TOPORS: variants seen among roughly 807,000 people sequenced by gnomAD.
The protein encoded by TOPORS is TOP1 binding arginine/serine rich protein, E3 ubiquitin ligase, also known as E3 ubiquitin-protein ligase Topors.
Under a neutral mutation model 81.4 loss-of-function variants are expected in TOPORS, and 25 were observed. That is an observed-to-expected ratio of 0.31 (90% CI 0.22 to 0.43). The LOEUF (loss-of-function observed/expected upper bound fraction) is 0.43, where lower values mean the gene tolerates loss of function less well. Ranked by LOEUF, TOPORS falls within the 20% of genes least tolerant of loss-of-function variation. The pLI, the probability that TOPORS is intolerant of heterozygous loss-of-function variation, is 1.00. For missense variants in TOPORS, 1,101 were observed against 1,267.0 expected (o/e 0.87, Z 1.99); for synonymous variants, 473 against 456.6 (o/e 1.04, Z -0.46).
chr9:32,552,556 A>G lies in TOPORS; in HGVS notation c.-120T>C, dbSNP rs754920284. ...GGCGGAAAGGCCCTATTTCTTCAGC[A>G]CCCAGAAACTCCAAAATCCATTCCT... On this transcript the variant is annotated 5_prime_UTR_variant, in exon 1 of 3. Transcript: ENST00000360538. 4.7e-5 allele frequency: 62 copies of G among 1,321,480 alleles called. No homozygotes were observed. In the African/African-American group the frequency reaches 7.3e-4, roughly 16 times the overall value. 81.9% of individuals were successfully genotyped at this position (1,321,480 alleles called of 1,614,324 possible).
intron 2 of TOPORS, among the ~76,000 whole-genome samples, chr9:32,549,234 C>A (rs1411945298): frequency 1.3e-5 from 2 of 152,020 alleles, no homozygotes; most frequent in Non-Finnish European, 2.9e-5. Context: ...GTGAACCTGG[C>A]AGGCGGAGCT....
intron 2 of TOPORS, among the ~76,000 whole-genome samples, chr9:32,545,623 T>C (rs1447911396): frequency 6.6e-6 from 1 of 151,940 alleles, no homozygotes; most frequent in Non-Finnish European, 1.5e-5. Context: ...TAGCCGGGCA[T>C]GGTGGCAGGC....
Position 32,541,037 on chromosome 9 carries a change from T to C in TOPORS, c.*350A>G, listed in dbSNP as rs979887725. The stretch of plus-strand genomic sequence containing the variant: ...CAGAATAACTCTCAAAAAAAAAAAA[T>C]TCAAAAATACTCATTGACTACCTTA... On this transcript the variant is annotated 3_prime_UTR_variant, in exon 3 of 3. Transcript: ENST00000360538. 29 of 172,408 alleles carry C rather than the reference T, an allele frequency of 1.7e-4. No individual in the cohort carries two copies. The East Asian group carries it at 4.5e-3, about 26-fold the overall frequency. 10.7% of individuals were successfully genotyped at this position (172,408 alleles called of 1,614,324 possible).
intron 1 of TOPORS, 151 bp from the exon 2 acceptor site, chr9:32,551,119 G>T: frequency 1.0e-6 from 1 of 983,548 alleles, no homozygotes; most frequent in Non-Finnish European, 1.5e-6. Context: ...GGGGCTCAGC[G>T]CACCGGCCCA....
At position 32,542,461 on chromosome 9, in the gene TOPORS, ATC is replaced by A. The variant is rs1206834635; in HGVS notation, c.2062_2063del (p.Asp688SerfsTer7). 6.2e-7 allele frequency: 1 copy of A among 1,613,368 alleles called. No individual in the cohort carries two copies. Among genetic ancestry groups the A allele is most frequent in the Non-Finnish European group, 8.5e-7 (1 of 1,179,992 alleles). On this transcript the variant is annotated frameshift_variant, in exon 3 of 3. Transcript: ENST00000360538. LOFTEE classifies it high-confidence loss of function. ...CATAATTATTTCTTAAATAATAACG[ATC>A]TCTATTTCTGCTCCGTGATCTTCTT... ...GKRRSRSRNRDRYYLRNNYGS... is the reference protein window; with the variant it reads ...GKRRSRSRNRXRYYLRNNYGS...
chr9:32,548,450 C>T (rs1206914567), intron 2 of TOPORS, among the ~76,000 whole-genome samples: 1 of 151,798 alleles, frequency 6.6e-6, no homozygotes, highest in Non-Finnish European at 1.5e-5. Context: ...CTTGAACCCC[C>T]GGGAGGCGGA....
Position 32,541,195 on chromosome 9 carries a change from T to C in TOPORS, c.*192A>G, listed in dbSNP as rs1165355774. On this transcript the variant is annotated 3_prime_UTR_variant, in exon 3 of 3. Coordinates refer to ENST00000360538, the MANE Select transcript of TOPORS (RefSeq NM_005802.5). Reference sequence around the variant, plus strand: ...TTTCTTCACTTAAAAGTGCATATCTTTGAGGGTGGGACATACATTTTGAAC... The same window carrying C: ...TTTCTTCACTTAAAAGTGCATATCTCTGAGGGTGGGACATACATTTTGAAC... 1.8e-6 allele frequency: 1 copy of C among 562,092 alleles called. No individual in the cohort carries two copies. The highest frequency in any genetic ancestry group is 3.1e-6 in the Non-Finnish European group (1 of 322,678). The allele number at this position is 562,092 out of a possible 1,614,324, so 34.8% of individuals were successfully genotyped here.
rs1821077074 is a variant in TOPORS, at chr9:32,542,271, T to C, written c.2254A>G (p.Lys752Glu). 6.2e-7 allele frequency: 1 copy of C among 1,614,192 alleles called. No individual in the cohort carries two copies. The highest frequency in any genetic ancestry group is 8.5e-7 in the Non-Finnish European group (1 of 1,180,036). ...TTCCTCTCACTGTGATTATTTTTTT[T>C]CCTAGCATTTGTTCTTTCAGAAAAG... ...QSFSERTNAR[K>E]KNNHSERKYY... The change falls in exon 3 of 3, where the codon AAA becomes GAA. Residue 752 changes from lysine (K) to glutamate (E), a missense_variant. Coordinates refer to ENST00000360538, the MANE Select transcript of TOPORS (RefSeq NM_005802.5).
At chr9:32,547,094 C>T (rs1040274341) in intron 2 of TOPORS, among the ~76,000 whole-genome samples, 35 of 152,282 alleles carry the variant, frequency 2.3e-4, no homozygotes, top group African/African-American at 8.4e-4. Flanking sequence ...AGAGGCGGGG[C>T]ACGGTGGCTC....
At position 32,541,878 on chromosome 9, in the gene TOPORS, T is replaced by C. The variant is rs186541153; in HGVS notation, c.2647A>G (p.Lys883Glu). 6.2e-7 allele frequency: 1 copy of C among 1,614,162 alleles called. No individual in the cohort carries two copies. The highest frequency in any genetic ancestry group is 8.5e-7 in the Non-Finnish European group (1 of 1,180,040). The change falls in exon 3 of 3, where the codon AAA becomes GAA. Residue 883 changes from lysine to glutamate, a missense_variant. Coordinates refer to ENST00000360538, the MANE Select transcript of TOPORS (RefSeq NM_005802.5). ...GKATDTTKHH[K>E]KKKKKHKKKH... ...TTCTTATGTTTCTTCTTTTTCTTTT[T>C]ATGGTGTTTAGTTGTATCAGTAGCT... is the stretch of plus-strand genomic sequence containing the variant.
At position 32,542,962 on chromosome 9, in the gene TOPORS, A is replaced by T. The variant is rs772155713; in HGVS notation, c.1563T>A (p.Ser521=). Residue 521 remains serine (S), a synonymous_variant, in exon 3 of 3, where the codon TCT becomes TCA. Transcript: ENST00000360538. The part of the protein sequence containing the change: ...ETVKTQEQEQ[S]YSSGDSDVSR... ...TAACATCGCTATCACCAGAACTGTAAGATTGCTCCTGTTCTTGTGTCTTCA... is the reference window on the plus strand; with the variant it reads ...TAACATCGCTATCACCAGAACTGTATGATTGCTCCTGTTCTTGTGTCTTCA... 4 of 1,614,072 alleles carry T rather than the reference A, an allele frequency of 2.5e-6. No individual in the cohort carries two copies. The African/African-American group carries it at 4.0e-5, about 16-fold the overall frequency.
intron 2 of TOPORS, among the ~76,000 whole-genome samples, chr9:32,548,948 T>C (rs1821179082): frequency 6.6e-6 from 1 of 152,140 alleles, no homozygotes; most frequent in African/African-American, 2.4e-5. Context: ...GACTGGATAT[T>C]TGAAAAACTG....
At chr9:32,546,771 T>A (rs887827395) in intron 2 of TOPORS, among the ~76,000 whole-genome samples, 3 of 152,206 alleles carry the variant, frequency 2.0e-5, no homozygotes, top group African/African-American at 7.2e-5. Flanking sequence ...TTAACCACTT[T>A]GACAGTAAAA....
chr9:32,541,507 A>G lies in TOPORS; in HGVS notation c.3018T>C (p.Ser1006=). Residue 1006 remains serine (S), a synonymous_variant, in exon 3 of 3, where the codon TCT becomes TCC. Transcript: ENST00000360538. ...LDVREESTFV[S]DLENQPSNIV... ...TGTTACTGGGCTGGTTCTCCAAATC[A>G]GAAACAAAGGTGCTCTCTTCTCTTA... The G allele has an allele frequency of 6.2e-7, 1 of 1,614,246 alleles. No homozygotes were observed. Among genetic ancestry groups the G allele is most frequent in the Non-Finnish European group, 8.5e-7 (1 of 1,180,034 alleles).
At chr9:32,551,156 G>T in intron 1 of TOPORS, 188 bp from the exon 2 acceptor site, 1 of 694,732 alleles carries the variant, frequency 1.4e-6, no homozygotes, top group South Asian at 1.7e-5. Flanking sequence ...CGCCGCTCCA[G>T]ACCCCGGAGG....
chr9:32,543,389 G>T lies in TOPORS; in HGVS notation c.1136C>A (p.Pro379His). 1 of 1,613,930 alleles carries T rather than the reference G, an allele frequency of 6.2e-7. No homozygotes were observed. The highest frequency in any genetic ancestry group is 1.1e-5 in the South Asian group (1 of 91,082). ...AGAATGGCTGCCTTCTTCGTATGAAGGAGCAGGGCAATCATAATTGGCATG... is the reference window on the plus strand; with the variant it reads ...AGAATGGCTGCCTTCTTCGTATGAATGAGCAGGGCAATCATAATTGGCATG... ...DQHANYDCPA[P>H]SYEEGSHSDS... Residue 379 changes from proline (P) to histidine (H), a missense_variant, in exon 3 of 3, where the codon CCT (proline) becomes CAT (histidine). By Grantham distance (77) the Pro-to-His change is moderately conservative. Around this residue, in one of 9 missense-constraint regions of TOPORS, gnomAD observed 103 missense variants for 112.1 expected, o/e 0.92. Transcript: ENST00000360538. This position sits in a 1 kb window ranked among gnomAD's most constrained non-coding sequence, Gnocchi z 5.6.
intron 2 of TOPORS, among the ~76,000 whole-genome samples, chr9:32,550,360 T>A (rs1337245857): frequency 6.6e-6 from 1 of 152,224 alleles, no homozygotes; most frequent in Non-Finnish European, 1.5e-5. Context: ...TAGACTAAGA[T>A]AAGCACCATG....
chr9:32,550,692 C>G, intron 2 of TOPORS, 82 bp downstream of exon 2: 1 of 1,547,692 alleles, frequency 6.5e-7, no homozygotes, highest in Non-Finnish European at 8.9e-7. Context: ...ACCCTCGGGT[C>G]CCGAGGCGCC....
intron 1 of TOPORS, chr9:32,551,726 G>A: frequency 2.4e-6 from 1 of 420,220 alleles, no homozygotes; most frequent in South Asian, 1.6e-5. Context: ...CGTGCTCGGG[G>A]CTTAGTATCT....
Sources: allele counts gnomAD v4.1 joint callset (sites outside exome capture counted in the v4.1 genomes callset), GRCh38; gene constraint gnomAD v4.1.1; regional missense constraint gnomAD v4.1.1; non-coding constraint Gnocchi (gnomAD v3.1); transcripts MANE v1.5; gene names NCBI Gene and HGNC (gene_info 2026-07-23, HGNC 2026-07-21).